CDH6: variants seen among roughly 807,000 people sequenced by gnomAD.
CDH6 encodes cadherin-6.
In CDH6, 31 loss-of-function variants were observed where a neutral mutation model predicts 78.0. The observed-to-expected ratio is 0.40, with a 90% CI of 0.30 to 0.54. The LOEUF is 0.54. Ranked by LOEUF, CDH6 falls within the 20% of genes least tolerant of loss-of-function variation. The probability of loss-of-function intolerance (pLI) is 0.56; values close to 1 mark genes in which losing one functional copy is unlikely to be tolerated. For missense variants in CDH6, 724 were observed against 975.9 expected, an observed-to-expected ratio of 0.74 and a Z score of 3.44; for synonymous variants, 376 against 368.8, an observed-to-expected ratio of 1.02 and a Z score of -0.23.
chr5:31,306,382 G>A (rs1295586213), intron 7 of CDH6, among the ~76,000 whole-genome samples: 1 of 152,030 alleles, frequency 6.6e-6, no homozygotes, highest in African/African-American at 2.4e-5. Flanking sequence ...TTGCTCTTTG[G>A]GACCACTGAT....
chr5:31,297,485 A>G, intron 4 of CDH6, 77 bp downstream of exon 4: 2 of 1,078,498 alleles, frequency 1.9e-6, no homozygotes, highest in South Asian at 1.6e-5. Flanking sequence ...TATTTTTAAT[A>G]AAAATAATCA....
rs76606719 is a variant in CDH6 at position 31,197,086 on chromosome 5, G to C, written c.-129+3200G>C. On this transcript the variant is annotated intron_variant, in intron 1 of 11. Transcript: ENST00000265071. ...GGCCATCTAATTCAAAGAATTCCCC[G>C]TTCAAATAAATATATGTTGAACATC... 1.7e-3 allele frequency among the ~76,000 whole-genome samples: 253 copies of C among 151,976 alleles called. 7 individuals carry two copies. The South Asian group carries it at 0.033, about 20-fold the overall frequency.
intron 1 of CDH6, among the ~76,000 whole-genome samples, chr5:31,220,320 C>A (rs546493847): frequency 3.7e-4 from 56 of 152,298 alleles, no homozygotes; most frequent in African/African-American, 1.3e-3. Flanking sequence ...CCAACTCCAA[C>A]AGATATGCTA....
intron 1 of CDH6, 107 bp from the exon 2 acceptor site, chr5:31,267,239 G>T: frequency 2.0e-6 from 1 of 489,094 alleles, no homozygotes; most frequent in Non-Finnish European, 3.6e-6. Flanking sequence ...AACTTTTTTT[G>T]TTGTTTTGCT....
intron 1 of CDH6, among the ~76,000 whole-genome samples, chr5:31,212,153 T>C (rs1740726619): frequency 6.6e-6 from 1 of 152,186 alleles, no homozygotes; most frequent in Non-Finnish European, 1.5e-5. Flanking sequence ...TAATGATAGT[T>C]TTGACTTAAT....
chr5:31,265,452 C>T (rs1006515489), intron 1 of CDH6, among the ~76,000 whole-genome samples: 25 of 152,076 alleles, frequency 1.6e-4, no homozygotes, highest in East Asian at 5.8e-4. Flanking sequence ...TTTAAAATGC[C>T]GAATACTATA....
At chr5:31,322,658 C>T (rs1296860334) in intron 11 of CDH6, among the ~76,000 whole-genome samples, 160 bp from the exon 12 acceptor site, 1 of 152,170 alleles carries the variant, frequency 6.6e-6, no homozygotes, top group East Asian at 1.9e-4. Context: ...CCGGTTTGAT[C>T]ATGGATGGAG....
At chr5:31,293,912 G>C in intron 2 of CDH6, 50 bp from the exon 3 acceptor site, 1 of 1,278,154 alleles carries the variant, frequency 7.8e-7, no homozygotes, top group Non-Finnish European at 1.1e-6. Flanking sequence ...AAACAGTTTA[G>C]AACCACATGC....
At chr5:31,199,456 GT>G (rs1740266061) in intron 1 of CDH6, among the ~76,000 whole-genome samples, 1 of 21,826 alleles carries the variant, frequency 4.6e-5, no homozygotes, top group Non-Finnish European at 1.4e-4. Context: ...ACACACATAT[GT>G]GTATATATAC....
At chr5:31,319,485 T>G (rs1218483456) in intron 11 of CDH6, among the ~76,000 whole-genome samples, 1 of 152,234 alleles carries the variant, frequency 6.6e-6, no homozygotes, top group Non-Finnish European at 1.5e-5. Context: ...TAATTATCTG[T>G]ACCTTAAATA....
chr5:31,310,218 T>TGGCCAAAACCAGGG (rs70955703), intron 7 of CDH6, among the ~76,000 whole-genome samples: 2 of 152,040 alleles, frequency 1.3e-5, no homozygotes, highest in Non-Finnish European at 1.5e-5. Context: ...AGGGAGATAT[T>TGGCCAAAACCAGGG]GGCCACAGGC....
At chr5:31,220,905 T>A (rs1465526541) in intron 1 of CDH6, among the ~76,000 whole-genome samples, 1 of 151,138 alleles carries the variant, frequency 6.6e-6, no homozygotes, top group Non-Finnish European at 1.5e-5. Flanking sequence ...GTTTAAGAAC[T>A]AAAGGGATTT....
intron 1 of CDH6, among the ~76,000 whole-genome samples, chr5:31,219,041 T>C (rs945323102): frequency 6.6e-6 from 1 of 152,164 alleles, no homozygotes; most frequent in Non-Finnish European, 1.5e-5. Flanking sequence ...CATTTTTAAA[T>C]TGGTGGATTT....
chr5:31,211,942 G>T (rs1283481570), intron 1 of CDH6, among the ~76,000 whole-genome samples: 2 of 152,234 alleles, frequency 1.3e-5, no homozygotes, highest in African/African-American at 4.8e-5. Flanking sequence ...AACCATAAAA[G>T]CTCCATATTT....
chr5:31,292,125 C>T (rs373019398), intron 2 of CDH6, among the ~76,000 whole-genome samples: 94 of 152,264 alleles, frequency 6.2e-4, no homozygotes, highest in Admixed American at 2.0e-3. Flanking sequence ...AAACATAGCA[C>T]GCACCGGATT....
Position 31,294,119 on chromosome 5 carries a change from A to G in CDH6, c.386A>G (p.Gln129Arg), listed in dbSNP as rs1366714281. The change falls in exon 3 of 12, where the codon CAA becomes CGA. Residue 129 changes from glutamine (Q) to arginine (R), a missense_variant. This residue lies in a region of CDH6 where 446 missense variants were observed against 684.5 expected (regional missense o/e 0.65). Transcript: ENST00000265071. This position sits in a 1 kb window ranked among gnomAD's most constrained non-coding sequence, Gnocchi z 4.1. ...AAACCCGTTTACATCCTTCGAGCTCAAGCTATAAACAGAAGGACAGGGAGA... is the reference window on the plus strand; with the variant it reads ...AAACCCGTTTACATCCTTCGAGCTCGAGCTATAAACAGAAGGACAGGGAGA... ...EEKPVYILRA[Q>R]AINRRTGRPV... 9.9e-6 allele frequency: 16 copies of G among 1,613,922 alleles called. No individual in the cohort carries two copies. Among genetic ancestry groups the G allele is most frequent in the Non-Finnish European group, 1.4e-5 (16 of 1,179,888 alleles).
Position 31,232,750 on chromosome 5 carries a change from T to C in CDH6, c.-128-34596T>C, listed in dbSNP as rs572140345. ...GAATTATTAATTACAATATCATCTA[T>C]TCATTTGGATAAAATGTTATCTGTT... On this transcript the variant is annotated intron_variant, in intron 1 of 11. Transcript: ENST00000265071. Among the ~76,000 whole-genome samples, 26 of 152,348 alleles carry C rather than the reference T, an allele frequency of 1.7e-4. 1 individual carries two copies. In the South Asian group the frequency reaches 5.2e-3, roughly 30 times the overall value.
chr5:31,311,119 C>G (rs939417217), intron 7 of CDH6, among the ~76,000 whole-genome samples: 11 of 152,226 alleles, frequency 7.2e-5, no homozygotes, highest in African/African-American at 2.7e-4. Context: ...CACATCATCT[C>G]TTTGTTCACA....
In CDH6 at chr5:31,326,681, ATT is replaced by A. The variant is rs202082546; in HGVS notation, c.*3400_*3401del. 1.1e-3 allele frequency: 142 copies of A among 123,792 alleles called. No homozygotes were observed. Among genetic ancestry groups the A allele is most frequent in the Middle Eastern group, 4.3e-3 (1 of 232 alleles). The allele number at this position is 123,792 out of a possible 1,614,324, so 7.7% of individuals were successfully genotyped here. A position where few individuals can be genotyped will look rare whatever the true frequency, so the allele number is the denominator to read the frequency against. On this transcript the variant is annotated 3_prime_UTR_variant, in exon 12 of 12. Coordinates refer to ENST00000265071, the MANE Select transcript of CDH6 (RefSeq NM_004932.4). ...AAAGAGTTGTGCAGAAAATCTTAAA[ATT>A]TTTTTTTTTTTTTTTTTTTTTTTTT...
Sources: gnomAD v4.1 joint callset for allele counts (sites outside exome capture counted in the v4.1 genomes callset) on GRCh38, gnomAD v4.1.1 for gene constraint, gnomAD v4.1.1 regional missense constraint, Gnocchi (gnomAD v3.1) non-coding constraint, MANE v1.5 for transcripts, NCBI Gene and HGNC (gene_info 2026-07-23, HGNC 2026-07-21) for gene names.